SOHLH2: variants seen among roughly 807,000 people sequenced by gnomAD.
SOHLH2 encodes spermatogenesis- and oogenesis-specific basic helix-loop-helix-containing protein 2.
In SOHLH2, 22 loss-of-function variants were observed where a neutral mutation model predicts 50.4. The observed-to-expected ratio is 0.44, with a 90% CI of 0.31 to 0.62. SOHLH2 has a LOEUF of 0.62. SOHLH2 is among the 20% of genes least tolerant of loss of function. The pLI, the probability that SOHLH2 is intolerant of heterozygous loss-of-function variation, is 0.08. For missense variants in SOHLH2, 412 were observed against 504.4 expected, an observed-to-expected ratio of 0.82 and a Z score of 1.76; for synonymous variants, 185 against 187.3, an observed-to-expected ratio of 0.99 and a Z score of 0.10.
At chr13:36,200,909 C>T (rs1218172785) in intron 2 of SOHLH2, among the ~76,000 whole-genome samples, 1 of 151,762 alleles carries the variant, frequency 6.6e-6, no homozygotes, top group Non-Finnish European at 1.5e-5. Flanking sequence ...ATTAGCCAGG[C>T]GTGGTGGCAC....
rs964793188 is a variant in SOHLH2 at position 36,170,774 on chromosome 13, G to A, written c.1014C>T (p.Ser338=). 10 of 1,612,368 alleles carry A rather than the reference G, an allele frequency of 6.2e-6. No individual in the cohort carries two copies. The highest frequency in any genetic ancestry group is 2.2e-5 in the South Asian group (2 of 91,038). Residue 338 remains serine (S), a synonymous_variant, in exon 10 of 11, where the codon TCC becomes TCT. Coordinates refer to ENST00000379881, the MANE Select transcript of SOHLH2 (RefSeq NM_017826.3). ...GATCACCAATAGCATTCTCTGAGGC[G>A]GAGCTTGATGGAACTTTAATGAGAA... ...LDEAVRVPSS[S]ASENAIGDPY...
At chr13:36,207,943 A>T (rs1467278007) in intron 1 of SOHLH2, among the ~76,000 whole-genome samples, 1 of 152,166 alleles carries the variant, frequency 6.6e-6, no homozygotes, top group Non-Finnish European at 1.5e-5. Context: ...CTTGGTTAAG[A>T]TGGCGTCTGC....
At position 36,202,092 on chromosome 13, in the gene SOHLH2, G is replaced by T. The variant is rs1868453826; in HGVS notation, c.50C>A (p.Ala17Glu). 3.7e-6 allele frequency: 6 copies of T among 1,614,036 alleles called. No homozygotes were observed. The highest frequency in any genetic ancestry group is 5.1e-6 in the Non-Finnish European group (6 of 1,180,018). The change falls in exon 2 of 11, where the codon GCA (alanine) becomes GAA (glutamate). Residue 17 changes from alanine (A) to glutamate (E), a missense_variant and splice_region_variant. Transcript: ENST00000379881. ...TCCAACTAATAAGATGTCTATTTTTGCCTGAAAGAGAAGGAAGCAGAGGCG... is the reference window on the plus strand; with the variant it reads ...TCCAACTAATAAGATGTCTATTTTTTCCTGAAAGAGAAGGAAGCAGAGGCG... ...CQEHCQISGQ[A>E]KIDILLVGDV...
At chr13:36,183,813 GA>G (rs1187576489) in intron 6 of SOHLH2, among the ~76,000 whole-genome samples, 2 of 152,134 alleles carry the variant, frequency 1.3e-5, no homozygotes, top group Non-Finnish European at 2.9e-5. Context: ...TACTAGCATA[GA>G]AAAATTAGCA....
intron 6 of SOHLH2, among the ~76,000 whole-genome samples, chr13:36,188,815 T>A (rs1303168920): frequency 1.3e-5 from 2 of 152,176 alleles, no homozygotes; most frequent in African/African-American, 4.8e-5. Flanking sequence ...TCTACGTGCT[T>A]CCCACAATCA....
At chr13:36,184,782 G>A (rs1374780240) in intron 6 of SOHLH2, among the ~76,000 whole-genome samples, 1 of 152,082 alleles carries the variant, frequency 6.6e-6, no homozygotes, top group East Asian at 1.9e-4. Context: ...TTCAAGTTCT[G>A]GGATACATGT....
chr13:36,203,950 TTTTG>T lies in SOHLH2; in HGVS notation c.49-1861_49-1858del, dbSNP rs1196396236. On this transcript the variant is annotated intron_variant, in intron 1 of 10. Coordinates refer to ENST00000379881, the MANE Select transcript of SOHLH2 (RefSeq NM_017826.3). Reference sequence around the variant, plus strand: ...TGTCACTCTGCCTTTAATTCTTTTTTTTTGTTTTTTTTTTTTTTTTTGAGGAGTC... The same window carrying T: ...TGTCACTCTGCCTTTAATTCTTTTTTTTTTTTTTTTTTTTTTTGAGGAGTC... Among the ~76,000 whole-genome samples, 20 of 123,668 alleles carry T rather than the reference TTTTG, an allele frequency of 1.6e-4. No individual in the cohort carries two copies. The East Asian group carries it at 4.7e-3, about 29-fold the overall frequency. The allele number at this position is 123,668 out of a possible 152,430, so 81.1% of individuals were successfully genotyped here. A position where few individuals can be genotyped will look rare whatever the true frequency, so the allele number is the denominator to read the frequency against.
chr13:36,185,457 ACT>A (rs1276387461), intron 6 of SOHLH2, among the ~76,000 whole-genome samples: 1 of 152,084 alleles, frequency 6.6e-6, no homozygotes, highest in Non-Finnish European at 1.5e-5. Context: ...ACAGAGCAAG[ACT>A]CTGTCTCAAA....
At chr13:36,179,994 C>T (rs915208770) in intron 6 of SOHLH2, among the ~76,000 whole-genome samples, 2 of 152,070 alleles carry the variant, frequency 1.3e-5, no homozygotes, top group Non-Finnish European at 2.9e-5. Flanking sequence ...TCTTTAAATG[C>T]TTGCTGAAAT....
chr13:36,209,721 C>A (rs1868996877), intron 1 of SOHLH2, among the ~76,000 whole-genome samples: 1 of 152,218 alleles, frequency 6.6e-6, no homozygotes. Flanking sequence ...CCTTAAAAAT[C>A]TGTCTCTTCA....
At chr13:36,169,696 C>A (rs1886910097) in intron 10 of SOHLH2, among the ~76,000 whole-genome samples, 1 of 152,228 alleles carries the variant, frequency 6.6e-6, no homozygotes, top group African/African-American at 2.4e-5. Context: ...TAGCACTAGA[C>A]AGTTCTTCCA....
At chr13:36,194,873 A>C (rs1432024650) in intron 2 of SOHLH2, among the ~76,000 whole-genome samples, 1 of 152,178 alleles carries the variant, frequency 6.6e-6, no homozygotes, top group Non-Finnish European at 1.5e-5. Context: ...GAGAACTGGG[A>C]TCACCCCCAC....
chr13:36,181,986 T>G, intron 6 of SOHLH2: 1 of 927,600 alleles, frequency 1.1e-6, no homozygotes, highest in Non-Finnish European at 1.3e-6. Context: ...TAAGACATGA[T>G]AAATATGGTG....
At chr13:36,213,537 T>G in intron 1 of SOHLH2, among the ~76,000 whole-genome samples, 1 of 152,198 alleles carries the variant, frequency 6.6e-6, no homozygotes, top group South Asian at 2.1e-4. Context: ...CCTCCCCAGC[T>G]GGCCTTGCTT....
At chr13:36,190,139 C>T (rs1318183483) in intron 5 of SOHLH2, 83 bp from the exon 6 acceptor site, 1 of 1,240,236 alleles carries the variant, frequency 8.1e-7, no homozygotes, top group African/African-American at 1.5e-5. Flanking sequence ...ATACACTAAA[C>T]AAAGGATGCT....
At chr13:36,198,824 A>G (rs1887810625) in intron 2 of SOHLH2, among the ~76,000 whole-genome samples, 1 of 152,226 alleles carries the variant, frequency 6.6e-6, no homozygotes, top group South Asian at 2.1e-4. Flanking sequence ...TAGATTTGTG[A>G]TCATGTGCTC....
chr13:36,193,292 G>A (rs1887628320), intron 4 of SOHLH2, among the ~76,000 whole-genome samples: 1 of 152,254 alleles, frequency 6.6e-6, no homozygotes, highest in South Asian at 2.1e-4. Flanking sequence ...TAGGGCCCCT[G>A]GCTTTTAGAT....
At chr13:36,173,661 C>G (rs1410633) in intron 9 of SOHLH2, 31 bp downstream of exon 9, 1,611,127 of 1,611,940 alleles carry the variant, frequency 1, 805,159 homozygotes, top group East Asian at 1. Context: ...AGGTCCCCCT[C>G]TAAGTGGCAC....
chr13:36,197,101 T>A (rs776065894), intron 2 of SOHLH2, among the ~76,000 whole-genome samples: 2 of 152,216 alleles, frequency 1.3e-5, no homozygotes, highest in African/African-American at 4.8e-5. Flanking sequence ...CTGATAGTAC[T>A]TCCTCTTCTA....
Sources: allele counts gnomAD v4.1 joint callset (sites outside exome capture counted in the v4.1 genomes callset), GRCh38; gene constraint gnomAD v4.1.1; transcripts MANE v1.5; gene names NCBI Gene and HGNC (gene_info 2026-07-23, HGNC 2026-07-21).